The following ZNF33A variants were observed in gnomAD, a reference collection of about 807,000 sequenced individuals.
The protein encoded by ZNF33A is brain my041 protein.
Under a neutral mutation model 15.9 loss-of-function variants are expected in ZNF33A, and 9 were observed. That is an observed-to-expected ratio of 0.57 (90% CI 0.34 to 0.99). The LOEUF (loss-of-function observed/expected upper bound fraction) is 0.99, where lower values mean the gene tolerates loss of function less well. Among genes scored for constraint, ZNF33A ranks in the 50% least tolerant of loss-of-function variants. ZNF33A has a pLI of 0.02. For missense variants in ZNF33A, 843 were observed against 941.6 expected, an observed-to-expected ratio of 0.90 and a Z score of 1.37; for synonymous variants, 294 against 324.2, an observed-to-expected ratio of 0.91 and a Z score of 1.00.
chr10:38,035,376 C>T (rs2065403093), intron 4 of ZNF33A, among the ~76,000 whole-genome samples: 1 of 152,042 alleles, frequency 6.6e-6, no homozygotes, highest in Non-Finnish European at 1.5e-5. Context: ...CCCCGGCCTC[C>T]CAAAGTGCTG....
intron 4 of ZNF33A, among the ~76,000 whole-genome samples, chr10:38,021,230 T>A (rs1239182190): frequency 6.6e-6 from 1 of 152,110 alleles, no homozygotes; most frequent in Non-Finnish European, 1.5e-5. Context: ...CAAAGAAAAT[T>A]ATTAGACAAA....
intron 4 of ZNF33A, among the ~76,000 whole-genome samples, chr10:38,026,154 C>A (rs1186748837): frequency 6.6e-6 from 1 of 152,192 alleles, no homozygotes. Context: ...ACACTTGGGT[C>A]ATACACCTTT....
At chr10:38,025,248 A>G (rs1228375327) in intron 4 of ZNF33A, among the ~76,000 whole-genome samples, 2 of 152,220 alleles carry the variant, frequency 1.3e-5, no homozygotes, top group African/African-American at 4.8e-5. Context: ...TTGGTAGAAT[A>G]TACACATTGG....
chr10:38,033,281 C>T (rs2065291849), intron 4 of ZNF33A, among the ~76,000 whole-genome samples: 1 of 152,082 alleles, frequency 6.6e-6, no homozygotes, highest in Non-Finnish European at 1.5e-5. Context: ...TAGCATGTAT[C>T]AATATTTCAC....
chr10:38,038,413 TA>T (rs1359623534), intron 4 of ZNF33A, among the ~76,000 whole-genome samples: 1 of 152,230 alleles, frequency 6.6e-6, no homozygotes, highest in African/African-American at 2.4e-5. Context: ...GAATTATTTT[TA>T]AATTTTCATT....
chr10:38,042,166 C>A (rs941750263), intron 4 of ZNF33A, among the ~76,000 whole-genome samples: 1 of 151,764 alleles, frequency 6.6e-6, no homozygotes, highest in Admixed American at 6.6e-5. Context: ...TTTCCTTACT[C>A]TGGCACAGAT....
intron 4 of ZNF33A, among the ~76,000 whole-genome samples, chr10:38,046,835 A>G (rs1253147486): frequency 6.6e-6 from 1 of 152,228 alleles, no homozygotes; most frequent in Non-Finnish European, 1.5e-5. Context: ...AACAGAAAAG[A>G]TAGAAATCAG....
downstream of ZNF33A, chr10:38,063,941 G>A (rs1480994330): frequency 1.2e-5 from 8 of 641,966 alleles, no homozygotes; most frequent in East Asian, 2.9e-5. Context: ...TTCAGCAAAG[G>A]TATCCACTGC....
chr10:38,048,863 GA>G lies in ZNF33A; in HGVS notation c.251-5508del, dbSNP rs1287654191. On this transcript the variant is annotated intron_variant, in intron 4 of 4. Coordinates refer to ENST00000432900, the MANE Select transcript of ZNF33A (RefSeq NM_006954.2). The stretch of plus-strand genomic sequence containing the variant: ...TTAATAATTGATAAAACAGGAAAAG[GA>G]AAAGGAGCAAAGATATAATAGACTT... Among the ~76,000 whole-genome samples, 3 of 152,032 alleles carry G rather than the reference GA, an allele frequency of 2.0e-5. No individual in the cohort carries two copies. The East Asian group carries it at 5.8e-4, about 29-fold the overall frequency.
intron 4 of ZNF33A, among the ~76,000 whole-genome samples, chr10:38,026,110 T>C (rs764633641): frequency 6.6e-6 from 1 of 152,240 alleles, no homozygotes. Flanking sequence ...AAGACTTTCT[T>C]TTCTGGCTGT....
chr10:38,048,513 A>T (rs1004965609), intron 4 of ZNF33A, among the ~76,000 whole-genome samples: 18 of 152,178 alleles, frequency 1.2e-4, no homozygotes, highest in African/African-American at 3.6e-4. Flanking sequence ...TGATAAGATA[A>T]ATAAAAATAA....
chr10:38,016,714 C>T, intron 2 of ZNF33A, 157 bp from the exon 3 acceptor site: 1 of 823,474 alleles, frequency 1.2e-6, no homozygotes, highest in Non-Finnish European at 1.8e-6. Flanking sequence ...ATTTCTTTTG[C>T]ATGAATTAAT....
chr10:38,020,278 G>C (rs2064676741), intron 4 of ZNF33A, among the ~76,000 whole-genome samples: 1 of 152,050 alleles, frequency 6.6e-6, no homozygotes, highest in African/African-American at 2.4e-5. Context: ...TTGAAGTACA[G>C]ATGTTTTGAT....
chr10:38,031,693 G>A (rs564860560), intron 4 of ZNF33A, among the ~76,000 whole-genome samples: 42 of 151,890 alleles, frequency 2.8e-4, no homozygotes, highest in African/African-American at 7.7e-4. Flanking sequence ...GGCCGGGTGC[G>A]GTAGCTCACG....
chr10:38,041,523 TTTG>T (rs2065699492), intron 4 of ZNF33A, among the ~76,000 whole-genome samples: 1 of 151,836 alleles, frequency 6.6e-6, no homozygotes, highest in Non-Finnish European at 1.5e-5. Context: ...CTCTTCTCTA[TTTG>T]TTATTTTTAT....
At chr10:38,063,002 CAAAAAAAAAAAAAAAA>C (rs373779802), downstream of ZNF33A, among the ~76,000 whole-genome samples, 7 of 44,212 alleles carry the variant, frequency 1.6e-4, no homozygotes, top group Non-Finnish European at 2.0e-4. Context: ...GACTCCATCT[CAAAAAAAAAAAAAAAA>C]AAAAAAAAAA....
intron 4 of ZNF33A, among the ~76,000 whole-genome samples, chr10:38,040,027 A>G (rs2065626644): frequency 6.6e-6 from 1 of 151,906 alleles, no homozygotes; most frequent in Non-Finnish European, 1.5e-5. Context: ...GGATTGCTTT[A>G]TCTGTGTTCC....
intron 4 of ZNF33A, 159 bp downstream of exon 4, chr10:38,017,545 C>G (rs1279225807): frequency 2.3e-5 from 12 of 513,386 alleles, no homozygotes; most frequent in Admixed American, 6.3e-5. Flanking sequence ...AATCAAACTT[C>G]CAGATACTAC....
chr10:38,016,798 T>G (rs2064468896), intron 2 of ZNF33A, 73 bp from the exon 3 acceptor site: 1 of 1,526,146 alleles, frequency 6.6e-7, no homozygotes, highest in Non-Finnish European at 8.9e-7. Flanking sequence ...AAAACAATAT[T>G]CTGTGAATAA....
Sources: allele counts gnomAD v4.1 joint callset (sites outside exome capture counted in the v4.1 genomes callset), GRCh38; gene constraint gnomAD v4.1.1; transcripts MANE v1.5; gene names NCBI Gene and HGNC (gene_info 2026-07-23, HGNC 2026-07-21).